Variants in DEF8 observed in about 807,000 individuals in gnomAD.
DEF8 encodes DEF-8.
In DEF8, 38 loss-of-function variants were observed where a neutral mutation model predicts 59.1. The ratio of observed to expected loss-of-function variants is 0.64; its 90% confidence interval spans 0.50 to 0.84. DEF8 has a LOEUF of 0.84. DEF8 is among the 40% of genes least tolerant of loss of function. The pLI, the probability that DEF8 is intolerant of heterozygous loss-of-function variation, is 0.00. For synonymous variants in DEF8, 265 were observed against 250.1 expected, an observed-to-expected ratio of 1.06 and a Z score of -0.56; for missense variants, 557 against 615.2, an observed-to-expected ratio of 0.91 and a Z score of 1.00.
chr16:89,957,501 A>G lies in DEF8; in HGVS notation c.223-10A>G, dbSNP rs764432840. The G allele has an allele frequency of 1.3e-6, 2 of 1,575,530 alleles. No individual in the cohort carries two copies. The highest frequency in any genetic ancestry group is 1.7e-6 in the Non-Finnish European group (2 of 1,160,842). On this transcript the variant is annotated splice_polypyrimidine_tract_variant and intron_variant, in intron 4 of 12. Coordinates refer to ENST00000563594, the MANE Select transcript of DEF8 (RefSeq NM_001242818.2). ...GGGCCTTTGACTGCCCCCGCCCCCAACCTGGGCAGGGTCTGTTCCTGGCCT... is the reference window on the plus strand; with the variant it reads ...GGGCCTTTGACTGCCCCCGCCCCCAGCCTGGGCAGGGTCTGTTCCTGGCCT...
Position 89,963,366 on chromosome 16 carries a change from C to G in DEF8, c.925C>G (p.Leu309Val), listed in dbSNP as rs369419867. 7.6e-5 allele frequency: 122 copies of G among 1,613,324 alleles called. No individual in the cohort carries two copies. Among genetic ancestry groups the G allele is most frequent in the Non-Finnish European group, 9.7e-5 (115 of 1,179,698 alleles). The change falls in exon 10 of 13, where the codon CTG (leucine) becomes GTG (valine). Residue 309 changes from leucine (L) to valine (V), a missense_variant. Coordinates refer to ENST00000563594, the MANE Select transcript of DEF8 (RefSeq NM_001242818.2). ...CCTGCTCCCGCCTTGTTTGCAGAAGCTGCGCCAGGACATCCTGCTCATGAA... is the reference window on the plus strand; with the variant it reads ...CCTGCTCCCGCCTTGTTTGCAGAAGGTGCGCCAGGACATCCTGCTCATGAA... ...YVEELVEIRK[L>V]RQDILLMKPY...
chr16:89,959,469 CTTTGTTT>C (rs2033728701), intron 6 of DEF8: 1 of 727,518 alleles, frequency 1.4e-6, no homozygotes. Context: ...CATCACGTGA[CTTTGTTT>C]TTTGTTTTTG....
At chr16:89,962,559 G>C (rs765905968) in intron 9 of DEF8, among the ~76,000 whole-genome samples, 1 of 152,070 alleles carries the variant, frequency 6.6e-6, no homozygotes, top group Non-Finnish European at 1.5e-5. Context: ...GGGAGGCTGA[G>C]GCAGGAGAAT....
chr16:89,959,275 C>A lies in DEF8; in HGVS notation c.514+120C>A. On this transcript the variant is annotated intron_variant, in intron 6 of 12. Transcript: ENST00000563594. ...TGGCCACTAGCCAAACATGGCCAGT[C>A]AAAGTTAAATTAACTAAATATGCAT... is the stretch of plus-strand genomic sequence containing the variant. 3 of 1,538,430 alleles carry A rather than the reference C, an allele frequency of 2.0e-6. No individual in the cohort carries two copies. In the South Asian group the frequency reaches 3.6e-5, roughly 18 times the overall value.
chr16:89,964,945 T>G (rs1458785525), intron 12 of DEF8, among the ~76,000 whole-genome samples: 1 of 152,190 alleles, frequency 6.6e-6, no homozygotes, highest in Non-Finnish European at 1.5e-5. Flanking sequence ...GGCTAGAGAT[T>G]CCCAAACCTA....
chr16:89,963,945 C>G (rs1597530261), intron 10 of DEF8: 1 of 644,610 alleles, frequency 1.6e-6, no homozygotes, highest in East Asian at 2.9e-5. Context: ...GAGGGGCTGC[C>G]TTAGGGAGTG....
chr16:89,954,455 C>T lies in DEF8; in HGVS notation c.124+79C>T, dbSNP rs528109258. ...GTGGACCCCTCCTTTCTTCCTGCCG[C>T]GTCCTGCGCAGCCCTGGCTTTCCCA... is the stretch of plus-strand genomic sequence containing the variant. On this transcript the variant is annotated intron_variant, in intron 3 of 12. Coordinates refer to ENST00000563594, the MANE Select transcript of DEF8 (RefSeq NM_001242818.2). This position sits in a 1 kb window ranked among gnomAD's most constrained non-coding sequence, Gnocchi z 4.3. 39 of 1,489,586 alleles carry T rather than the reference C, an allele frequency of 2.6e-5. No homozygotes were observed. The highest frequency in any genetic ancestry group is 2.0e-4 in the Middle Eastern group (1 of 5,076). 92.3% of individuals were successfully genotyped at this position (1,489,586 alleles called of 1,614,324 possible).
At position 89,967,531 on chromosome 16, in the gene DEF8, A is replaced by T; in HGVS notation, c.*1568A>T. On this transcript the variant is annotated 3_prime_UTR_variant, in exon 13 of 13. Coordinates refer to ENST00000563594, the MANE Select transcript of DEF8 (RefSeq NM_001242818.2). Reference sequence around the variant, plus strand: ...ACCTACCTCAGGTGGAACGGTGAGCAGGGAACATGTCGGAGTCCTTCAGAG... The same window carrying T: ...ACCTACCTCAGGTGGAACGGTGAGCTGGGAACATGTCGGAGTCCTTCAGAG... The T allele has an allele frequency of 5.0e-6, 2 of 398,620 alleles. No homozygotes were observed. The highest frequency in any genetic ancestry group is 8.8e-6 in the Non-Finnish European group (2 of 226,068). The allele number at this position is 398,620 out of a possible 1,614,324, so 24.7% of individuals were successfully genotyped here. A position where few individuals can be genotyped will look rare whatever the true frequency, so the allele number is the denominator to read the frequency against.
In DEF8 at chr16:89,954,449, C is replaced by T. The variant is rs930776454; in HGVS notation, c.124+73C>T. The T allele has an allele frequency of 1.3e-6, 2 of 1,527,522 alleles. No individual in the cohort carries two copies. The highest frequency in any genetic ancestry group is 4.5e-5 in the East Asian group (2 of 44,096). The allele number at this position is 1,527,522 out of a possible 1,614,324, so 94.6% of individuals were successfully genotyped here. A position where few individuals can be genotyped will look rare whatever the true frequency, so the allele number is the denominator to read the frequency against. On this transcript the variant is annotated intron_variant, in intron 3 of 12. Coordinates refer to ENST00000563594, the MANE Select transcript of DEF8 (RefSeq NM_001242818.2). The surrounding 1 kb of genome is among the most constrained non-coding windows in gnomAD (Gnocchi z 4.3). ...GCTTACGTGGACCCCTCCTTTCTTC[C>T]TGCCGCGTCCTGCGCAGCCCTGGCT...
Position 89,954,497 on chromosome 16 carries a change from T to C in DEF8, c.124+121T>C. The C allele has an allele frequency of 1.8e-5, 20 of 1,091,910 alleles. No homozygotes were observed. Among genetic ancestry groups the C allele is most frequent in the East Asian group, 2.5e-5 (1 of 40,606 alleles). 67.6% of individuals were successfully genotyped at this position (1,091,910 alleles called of 1,614,324 possible). ...GCTTTCCCACGGAGCCGGCACCTGCTGGCTGTGTTCTTTTTCCCATCTCTT... is the reference window on the plus strand; with the variant it reads ...GCTTTCCCACGGAGCCGGCACCTGCCGGCTGTGTTCTTTTTCCCATCTCTT... On this transcript the variant is annotated intron_variant, in intron 3 of 12. Coordinates refer to ENST00000563594, the MANE Select transcript of DEF8 (RefSeq NM_001242818.2). This position sits in a 1 kb window ranked among gnomAD's most constrained non-coding sequence, Gnocchi z 4.3.
chr16:89,965,099 T>C (rs377273726), intron 12 of DEF8, among the ~76,000 whole-genome samples: 59 of 152,384 alleles, frequency 3.9e-4, no homozygotes, highest in African/African-American at 1.1e-3. Flanking sequence ...AAAATACTTA[T>C]GTTCAAACAA....
At chr16:89,961,239 G>A (rs796404919) in intron 7 of DEF8, 144 bp downstream of exon 7, 3 of 1,137,948 alleles carry the variant, frequency 2.6e-6, no homozygotes, top group African/African-American at 3.1e-5. Flanking sequence ...AAGTGACAAG[G>A]GTCTGTTGCT....
chr16:89,963,744 A>G (rs779351098), intron 10 of DEF8: 105 of 515,034 alleles, frequency 2.0e-4, no homozygotes, highest in Non-Finnish European at 3.4e-4. Flanking sequence ...TTATGTGCTC[A>G]ACAGATACAG....
In DEF8 at chr16:89,962,046, T is replaced by C. The variant is rs752230101; in HGVS notation, c.842T>C (p.Met281Thr). 1.2e-6 allele frequency: 2 copies of C among 1,614,064 alleles called. No homozygotes were observed. The highest frequency in any genetic ancestry group is 2.2e-5 in the South Asian group (2 of 91,084). The change falls in exon 9 of 13, where the codon ATG becomes ACG. Residue 281 changes from methionine to threonine, a missense_variant. Transcript: ENST00000563594. ...SRCSMRYLAL[M>T]VSRPVLRLRE... ...TGCAGCATGCGCTACCTGGCGCTGA[T>C]GGTGTCTCGGCCCGTACTCAGGCTC... is the stretch of plus-strand genomic sequence containing the variant.
chr16:89,967,953 G>C lies in DEF8; in HGVS notation c.*1990G>C, dbSNP rs1167105031. On this transcript the variant is annotated 3_prime_UTR_variant, in exon 13 of 13. Coordinates refer to ENST00000563594, the MANE Select transcript of DEF8 (RefSeq NM_001242818.2). ...AAGAGCCCGGTGCCGCCAGCACCTT[G>C]TGGAAGACCACACATGGGTGGTCCC... 1 of 152,654 alleles carries C rather than the reference G, an allele frequency of 6.6e-6. No homozygotes were observed. The highest frequency in any genetic ancestry group is 1.5e-5 in the Non-Finnish European group (1 of 68,320). The allele number at this position is 152,654 out of a possible 1,614,324, so 9.5% of individuals were successfully genotyped here.
intron 2 of DEF8, among the ~76,000 whole-genome samples, chr16:89,953,879 C>G (rs2032643805): frequency 6.6e-6 from 1 of 152,186 alleles, no homozygotes; most frequent in Admixed American, 6.5e-5. Context: ...GTATCTGGGG[C>G]TGAGGCCCAG....
intron 5 of DEF8, among the ~76,000 whole-genome samples, 161 bp downstream of exon 5, chr16:89,957,821 G>A (rs963195544): frequency 6.6e-6 from 1 of 152,226 alleles, no homozygotes; most frequent in African/African-American, 2.4e-5. Context: ...GGTGGAAGAC[G>A]GGCCCTCACC....
At chr16:89,964,356 G>C (rs1208774196) in intron 11 of DEF8, 46 bp downstream of exon 11, 1 of 1,549,840 alleles carries the variant, frequency 6.5e-7, no homozygotes, top group East Asian at 2.4e-5. Context: ...CCAGCCCTGA[G>C]GGGGGATTGG....
chr16:89,964,516 G>A lies in DEF8; in HGVS notation c.1194G>A (p.Val398=). ...GTGAGCTCTGCAGAGAGGGCGACGT[G>A]CTGTTCCCGTTCGACAGCCACACGT... ...FVCELCREGD[V]LFPFDSHTSV... is the part of the protein sequence containing the mutation. The change falls in exon 12 of 13, where the codon GTG becomes GTA. Residue 398 remains valine, a synonymous_variant. Coordinates refer to ENST00000563594, the MANE Select transcript of DEF8 (RefSeq NM_001242818.2). 3 of 1,598,336 alleles carry A rather than the reference G, an allele frequency of 1.9e-6. No homozygotes were observed. Among genetic ancestry groups the A allele is most frequent in the African/African-American group, 1.3e-5 (1 of 74,616 alleles).
Sources: allele counts gnomAD v4.1 joint callset (sites outside exome capture counted in the v4.1 genomes callset), GRCh38; gene constraint gnomAD v4.1.1; non-coding constraint Gnocchi (gnomAD v3.1); transcripts MANE v1.5; gene names NCBI Gene and HGNC (gene_info 2026-07-23, HGNC 2026-07-21).